The following PDE5A variants were observed in gnomAD, a reference collection of about 807,000 sequenced individuals.
The protein encoded by PDE5A is phosphodiesterase 5A, also known as cGMP-specific 3',5'-cyclic phosphodiesterase.
Under a neutral mutation model 110.2 loss-of-function variants are expected in PDE5A, and 67 were observed. The observed-to-expected ratio is 0.61, with a 90% CI of 0.50 to 0.75. PDE5A has a LOEUF of 0.75. Ranked by LOEUF, PDE5A falls within the 30% of genes least tolerant of loss-of-function variation. The pLI is 0.00. For missense variants in PDE5A, 862 were observed against 1,045.1 expected (o/e 0.82, Z 2.42); for synonymous variants, 328 against 351.2 (o/e 0.93, Z 0.74).
At chr4:119,571,772 A>T (rs1317677290) in intron 3 of PDE5A, among the ~76,000 whole-genome samples, 1 of 152,072 alleles carries the variant, frequency 6.6e-6, no homozygotes, top group Non-Finnish European at 1.5e-5. Context: ...ACCTCATTTT[A>T]TCTCTTCTGT....
At position 119,498,349 on chromosome 4, in the gene PDE5A, C is replaced by T. The variant is rs192864860; in HGVS notation, c.*252G>A. 14 of 399,730 alleles carry T rather than the reference C, an allele frequency of 3.5e-5. No homozygotes were observed. Among genetic ancestry groups the T allele is most frequent in the African/African-American group, 2.0e-4 (10 of 50,768 alleles). The allele number at this position is 399,730 out of a possible 1,614,324, so 24.8% of individuals were successfully genotyped here. ...AGTACACGAAATATCACAAACAATG[C>T]TTTTATCAATGTGCTAACAGTGGAT... On this transcript the variant is annotated 3_prime_UTR_variant, in exon 21 of 21. Transcript: ENST00000354960.
intron 16 of PDE5A, 28 bp downstream of exon 16, chr4:119,507,576 A>C: frequency 7.4e-7 from 1 of 1,345,272 alleles, no homozygotes; most frequent in Non-Finnish European, 1.0e-6. Context: ...TCAAATACCT[A>C]TTTCTCAGGT....
At chr4:119,579,255 T>A (rs1233885251) in intron 3 of PDE5A, among the ~76,000 whole-genome samples, 3 of 152,144 alleles carry the variant, frequency 2.0e-5, no homozygotes, top group African/African-American at 7.2e-5. Flanking sequence ...TGTAAACTAG[T>A]TCAATCATTG....
chr4:119,538,930 G>A (rs200749670), intron 11 of PDE5A, 30 bp downstream of exon 11: 1 of 1,541,944 alleles, frequency 6.5e-7, no homozygotes, highest in African/African-American at 1.4e-5. Flanking sequence ...TCTGTAATTA[G>A]TAATTTTTAA....
chr4:119,529,045 A>G (rs1232851172), intron 11 of PDE5A, among the ~76,000 whole-genome samples: 1 of 152,118 alleles, frequency 6.6e-6, no homozygotes, highest in Non-Finnish European at 1.5e-5. Flanking sequence ...GTTAGACTCA[A>G]TATGTGGTAG....
chr4:119,525,415 T>C lies in PDE5A; in HGVS notation c.1779+134A>G. ...TTTTTCTTTAAAAGTCTCGGGTATA[T>C]ATTAGGTGACAGTATATTAATCACT... On this transcript the variant is annotated intron_variant, in intron 12 of 20. Coordinates refer to ENST00000354960, the MANE Select transcript of PDE5A (RefSeq NM_001083.4). This position sits in a 1 kb window ranked among gnomAD's most constrained non-coding sequence, Gnocchi z 4.3. The C allele has an allele frequency of 1.3e-6, 1 of 754,264 alleles. No individual in the cohort carries two copies. The highest frequency in any genetic ancestry group is 3.0e-5 in the Admixed American group (1 of 33,602). 46.7% of individuals were successfully genotyped at this position (754,264 alleles called of 1,614,324 possible). A position where few individuals can be genotyped will look rare whatever the true frequency, so the allele number is the denominator to read the frequency against.
At position 119,627,549 on chromosome 4, in the gene PDE5A, G is replaced by C. The variant is rs955699148; in HGVS notation, c.152+971C>G. ...GGGCACGGACTCTTTCTGCAAAGGG[G>C]CGCGTCCTGGAGTCCACGCACCCCG... On this transcript the variant is annotated intron_variant, in intron 1 of 20. Coordinates refer to ENST00000354960, the MANE Select transcript of PDE5A (RefSeq NM_001083.4). The surrounding 1 kb of genome is among the most constrained non-coding windows in gnomAD (Gnocchi z 4.6). The C allele has an allele frequency of 6.5e-6, 1 of 152,754 alleles. No individual in the cohort carries two copies. The highest frequency in any genetic ancestry group is 2.4e-5 in the African/African-American group (1 of 41,468). The allele number at this position is 152,754 out of a possible 1,614,324, so 9.5% of individuals were successfully genotyped here. A position where few individuals can be genotyped will look rare whatever the true frequency, so the allele number is the denominator to read the frequency against.
At chr4:119,578,070 GT>G (rs1401361048) in intron 3 of PDE5A, among the ~76,000 whole-genome samples, 2 of 152,132 alleles carry the variant, frequency 1.3e-5, no homozygotes, top group Non-Finnish European at 2.9e-5. Flanking sequence ...CAAATCATGA[GT>G]GAACTCCCAT....
intron 11 of PDE5A, among the ~76,000 whole-genome samples, chr4:119,534,319 G>A (rs1242501590): frequency 1.3e-5 from 2 of 151,890 alleles, no homozygotes; most frequent in Non-Finnish European, 2.9e-5. Context: ...TAGTGGGAGT[G>A]AGAATTACTG....
intron 3 of PDE5A, among the ~76,000 whole-genome samples, chr4:119,576,947 T>C (rs1728375158): frequency 7.2e-6 from 1 of 139,168 alleles, no homozygotes; most frequent in South Asian, 2.2e-4. Context: ...CTAGCAAGAC[T>C]AATAAAGAAG....
chr4:119,561,446 C>T (rs1440359339), intron 6 of PDE5A, among the ~76,000 whole-genome samples: 5 of 152,136 alleles, frequency 3.3e-5, no homozygotes, highest in African/African-American at 9.7e-5. Context: ...GCTATACTTC[C>T]AAGTAGCACT....
At chr4:119,520,062 C>T (rs1427444525) in intron 13 of PDE5A, among the ~76,000 whole-genome samples, 1 of 152,034 alleles carries the variant, frequency 6.6e-6, no homozygotes, top group Non-Finnish European at 1.5e-5. Context: ...CACTTCTTGT[C>T]CCATTTCGGA....
rs753826032 is a variant in PDE5A, at chr4:119,607,033, T to C, written c.417A>G (p.Pro139=). ...GGTCCCCTTCATCATGATCAAACCT[T>C]GGAGGGGTTAGAGGCATCTGTTCCT... ...EKKEQMPLTP[P]RFDHDEGDQC... The change falls in exon 2 of 21, where the codon CCA becomes CCG. Residue 139 remains proline (P), a synonymous_variant. Transcript: ENST00000354960. 3 of 1,614,164 alleles carry C rather than the reference T, an allele frequency of 1.9e-6. No homozygotes were observed. In the East Asian group the frequency reaches 6.7e-5, roughly 36 times the overall value.
chr4:119,518,033 C>G (rs371229169), intron 14 of PDE5A, among the ~76,000 whole-genome samples: 3 of 152,260 alleles, frequency 2.0e-5, no homozygotes, highest in African/African-American at 7.2e-5. Flanking sequence ...CAAGAGCTTG[C>G]TATCTTTTCC....
chr4:119,536,529 C>T (rs1726730365), intron 11 of PDE5A, among the ~76,000 whole-genome samples: 1 of 152,132 alleles, frequency 6.6e-6, no homozygotes, highest in African/African-American at 2.4e-5. Flanking sequence ...AAAAACTGTT[C>T]ATCACTTCAA....
chr4:119,498,210 G>A lies in PDE5A; in HGVS notation c.*391C>T, dbSNP rs1725154521. The stretch of plus-strand genomic sequence containing the variant: ...TGCTCCTAACCTACTTTTGAAAAAG[G>A]AAAGATTCCAAACATTCTTGAAAAA... On this transcript the variant is annotated 3_prime_UTR_variant, in exon 21 of 21. Coordinates refer to ENST00000354960, the MANE Select transcript of PDE5A (RefSeq NM_001083.4). The A allele has an allele frequency of 1.3e-5, 2 of 158,390 alleles. No individual in the cohort carries two copies. Among genetic ancestry groups the A allele is most frequent in the African/African-American group, 4.8e-5 (2 of 41,518 alleles). 9.8% of individuals were successfully genotyped at this position (158,390 alleles called of 1,614,324 possible). A position where few individuals can be genotyped will look rare whatever the true frequency, so the allele number is the denominator to read the frequency against.
Position 119,588,369 on chromosome 4 carries a change from G to C in PDE5A, c.831+8154C>G, listed in dbSNP as rs1002559457. Among the ~76,000 whole-genome samples the C allele has an allele frequency of 2.6e-4, 39 of 151,772 alleles. 1 individual carries two copies. The highest frequency in any genetic ancestry group is 3.4e-3 in the Middle Eastern group (1 of 294). ...ATTTTTGTATTTTTCGTAGAGACAG[G>C]TTTCACCATGTTGGCCAGGCTGATC... is the stretch of plus-strand genomic sequence containing the variant. On this transcript the variant is annotated intron_variant, in intron 3 of 20. Coordinates refer to ENST00000354960, the MANE Select transcript of PDE5A (RefSeq NM_001083.4).
intron 11 of PDE5A, 159 bp downstream of exon 11, chr4:119,538,801 A>T: frequency 1.5e-6 from 1 of 673,060 alleles, no homozygotes; most frequent in South Asian, 1.7e-5. Context: ...AGTATAAGTT[A>T]TTTAATGCCT....
intron 11 of PDE5A, chr4:119,527,110 G>GT (rs760861335): frequency 3.3e-5 from 5 of 152,092 alleles, no homozygotes; most frequent in Non-Finnish European, 7.4e-5. Context: ...GAGAACAGAT[G>GT]TTTTTTCCTT....
Sources: gnomAD v4.1 joint callset for allele counts (sites outside exome capture counted in the v4.1 genomes callset) on GRCh38, gnomAD v4.1.1 for gene constraint, Gnocchi (gnomAD v3.1) non-coding constraint, MANE v1.5 for transcripts, NCBI Gene and HGNC (gene_info 2026-07-23, HGNC 2026-07-21) for gene names.